Variants in STK39 observed in about 807,000 individuals in gnomAD.
The protein encoded by STK39 is STE20/SPS1-related proline-alanine-rich protein kinase.
STK39 carries 20 observed loss-of-function variants against 77.8 expected under a neutral mutation model. The ratio of observed to expected loss-of-function variants is 0.26; its 90% CI spans 0.18 to 0.37. The LOEUF is 0.37. Among genes scored for constraint, STK39 ranks in the 10% least tolerant of loss-of-function variants. The pLI, the probability that STK39 is intolerant of heterozygous loss-of-function variation, is 1.00. For missense variants in STK39, 479 were observed against 656.5 expected, an observed-to-expected ratio of 0.73 and a Z score of 2.95; for synonymous variants, 246 against 234.1, an observed-to-expected ratio of 1.05 and a Z score of -0.47.
chr2:168,013,091 T>C (rs183622323), intron 15 of STK39, among the ~76,000 whole-genome samples: 2 of 152,332 alleles, frequency 1.3e-5, no homozygotes, highest in East Asian at 3.9e-4. Flanking sequence ...TTAGTAGCTA[T>C]GGAGTGAATT....
chr2:168,187,325 T>A (rs960146045), intron 1 of STK39, among the ~76,000 whole-genome samples: 2 of 150,486 alleles, frequency 1.3e-5, no homozygotes, highest in Non-Finnish European at 2.9e-5. Context: ...CACTCCAGCC[T>A]GGGTGACAGA....
intron 16 of STK39, among the ~76,000 whole-genome samples, chr2:167,988,570 T>G (rs991979835): frequency 1.3e-5 from 2 of 152,110 alleles, no homozygotes; most frequent in African/African-American, 2.4e-5. Flanking sequence ...ATTATTTTGT[T>G]GTGGATGCTT....
intron 10 of STK39, among the ~76,000 whole-genome samples, chr2:168,116,668 T>G (rs1432946250): frequency 6.6e-6 from 1 of 152,132 alleles, no homozygotes; most frequent in Non-Finnish European, 1.5e-5. Context: ...TTCCCTGTGA[T>G]TGAATGACCA....
intron 1 of STK39, among the ~76,000 whole-genome samples, chr2:168,208,436 C>A (rs1362049754): frequency 6.6e-6 from 1 of 152,146 alleles, no homozygotes; most frequent in Non-Finnish European, 1.5e-5. Context: ...TATTTTTAGT[C>A]CAGGGTAGCA....
intron 8 of STK39, among the ~76,000 whole-genome samples, chr2:168,130,965 C>T (rs1687680398): frequency 6.6e-6 from 1 of 152,134 alleles, no homozygotes; most frequent in South Asian, 2.1e-4. Context: ...GGATCCTGGG[C>T]TTGAGAAAGA....
intron 3 of STK39, 68 bp from the exon 4 acceptor site, chr2:168,163,948 A>G: frequency 6.5e-7 from 1 of 1,536,356 alleles, no homozygotes; most frequent in East Asian, 2.3e-5. Context: ...AGACTCCATT[A>G]TGTATAAAAT....
chr2:168,122,471 GCT>G (rs1179712528), intron 10 of STK39, among the ~76,000 whole-genome samples: 1 of 152,002 alleles, frequency 6.6e-6, no homozygotes, highest in African/African-American at 2.4e-5. Context: ...ATAGGGTCTT[GCT>G]CTGTTACCCA....
At chr2:167,974,848 G>C (rs962414607) in intron 16 of STK39, among the ~76,000 whole-genome samples, 9 of 150,698 alleles carry the variant, frequency 6.0e-5, no homozygotes, top group African/African-American at 2.2e-4. Flanking sequence ...ATTCAAACTG[G>C]GTAAGAATTC....
intron 1 of STK39, among the ~76,000 whole-genome samples, chr2:168,218,503 T>A (rs538443060): frequency 6.6e-6 from 1 of 152,270 alleles, no homozygotes; most frequent in South Asian, 2.1e-4. Context: ...CTCCCACTTC[T>A]CCTAGCCAAA....
At chr2:168,208,508 C>T (rs530477459) in intron 1 of STK39, among the ~76,000 whole-genome samples, 7 of 152,292 alleles carry the variant, frequency 4.6e-5, no homozygotes, top group Admixed American at 3.9e-4. Flanking sequence ...CTGTACCCTC[C>T]GTAATTATGT....
rs10194005 is a variant in STK39 at position 168,175,807 on chromosome 2, A to G, written c.321+6171T>C. Among the ~76,000 whole-genome samples the G allele has an allele frequency of 2.4e-3, 369 of 152,338 alleles. 2 individuals are homozygous for G. Among genetic ancestry groups the G allele is most frequent in the African/African-American group, 8.2e-3 (341 of 41,576 alleles). ...TACAAAGCTAAGTTGCAAGAAAAAG[A>G]TAACAGTACAAAATTTAATGGCCGA... is the stretch of plus-strand genomic sequence containing the variant. On this transcript the variant is annotated intron_variant, in intron 2 of 17. Coordinates refer to ENST00000355999, the MANE Select transcript of STK39 (RefSeq NM_013233.3).
chr2:168,246,993 C>T (rs1690928915), intron 1 of STK39, among the ~76,000 whole-genome samples: 1 of 144,926 alleles, frequency 6.9e-6, no homozygotes, highest in Non-Finnish European at 1.5e-5. Context: ...GTCTGCAGTG[C>T]GAGTCACATC....
At chr2:168,047,251 T>C (rs1484875012) in intron 14 of STK39, among the ~76,000 whole-genome samples, 1 of 152,218 alleles carries the variant, frequency 6.6e-6, no homozygotes, top group Non-Finnish European at 1.5e-5. Flanking sequence ...GCTAATGTAG[T>C]CAAAAGGCCA....
intron 16 of STK39, among the ~76,000 whole-genome samples, chr2:168,004,341 T>G (rs1684070028): frequency 6.6e-6 from 1 of 152,280 alleles, no homozygotes; most frequent in Middle Eastern, 3.4e-3. Context: ...GAGAATCAAG[T>G]AAGGCAGAAA....
chr2:168,112,945 G>A (rs1239379745), intron 10 of STK39: 1 of 152,184 alleles, frequency 6.6e-6, no homozygotes, highest in Non-Finnish European at 1.5e-5. Flanking sequence ...TGGCCACTGG[G>A]TGGGAAGCTC....
At chr2:168,017,883 A>G (rs930378109) in intron 14 of STK39, among the ~76,000 whole-genome samples, 4 of 152,208 alleles carry the variant, frequency 2.6e-5, no homozygotes, top group African/African-American at 9.6e-5. Flanking sequence ...TTAAAATTTT[A>G]TCTAAATTTA....
Position 168,075,013 on chromosome 2 carries a change from T to A in STK39, c.1213-2A>T. The A allele has an allele frequency of 1.9e-6, 3 of 1,613,952 alleles. No homozygotes were observed. The highest frequency in any genetic ancestry group is 2.5e-6 in the Non-Finnish European group (3 of 1,179,992). ...ATTTTCTTCTTTTACTCTTCGTGACTGTAAAACAATTATGTATCCATTAAT... is the reference window on the plus strand; with the variant it reads ...ATTTTCTTCTTTTACTCTTCGTGACAGTAAAACAATTATGTATCCATTAAT... On this transcript the variant is annotated splice_acceptor_variant, in intron 11 of 17. Transcript: ENST00000355999. LOFTEE classifies it high-confidence loss of function.
intron 5 of STK39, among the ~76,000 whole-genome samples, chr2:168,157,322 T>C (rs993661135): frequency 8.5e-5 from 13 of 152,216 alleles, no homozygotes; most frequent in African/African-American, 3.1e-4. Flanking sequence ...ATTTTGATGG[T>C]AACTTTCTAG....
chr2:167,985,935 A>G (rs557454945), intron 16 of STK39, among the ~76,000 whole-genome samples: 4 of 152,344 alleles, frequency 2.6e-5, no homozygotes, highest in South Asian at 4.1e-4. Context: ...TTCATTAAAC[A>G]AAACACGGTA....
Sources: allele counts gnomAD v4.1 joint callset (sites outside exome capture counted in the v4.1 genomes callset), GRCh38; gene constraint gnomAD v4.1.1; transcripts MANE v1.5; gene names NCBI Gene and HGNC (gene_info 2026-07-23, HGNC 2026-07-21).